The following HIP1 variants were observed in gnomAD, a reference collection of about 807,000 sequenced individuals.
HIP1 encodes huntingtin-interacting protein 1.
HIP1 carries 65 observed loss-of-function variants against 147.6 expected under a neutral mutation model. The observed-to-expected ratio is 0.44, with a 90% CI of 0.36 to 0.54. The LOEUF (loss-of-function observed/expected upper bound fraction) is 0.54, where lower values mean the gene tolerates loss of function less well. Among genes scored for constraint, HIP1 ranks in the 20% least tolerant of loss-of-function variants. HIP1 has a pLI of 0.00. For missense variants in HIP1, 1,061 were observed against 1,299.6 expected, an observed-to-expected ratio of 0.82 and a Z score of 2.82; for synonymous variants, 479 against 504.0, an observed-to-expected ratio of 0.95 and a Z score of 0.67.
intron 23 of HIP1, among the ~76,000 whole-genome samples, chr7:75,548,459 G>A (rs1794657982): frequency 6.6e-6 from 1 of 151,636 alleles, no homozygotes; most frequent in South Asian, 2.1e-4. Flanking sequence ...TCAGATTTTG[G>A]TCTCTCTTTT....
chr7:75,720,283 C>T (rs1801459218), intron 1 of HIP1, among the ~76,000 whole-genome samples: 1 of 152,084 alleles, frequency 6.6e-6, no homozygotes, highest in African/African-American at 2.4e-5. Context: ...GCCTCAGCCT[C>T]CCAAGTAGCT....
At chr7:75,722,258 C>T (rs760601444) in intron 1 of HIP1, among the ~76,000 whole-genome samples, 1 of 151,892 alleles carries the variant, frequency 6.6e-6, no homozygotes, top group African/African-American at 2.4e-5. Context: ...TGCAGTGAAC[C>T]GTAATTATGC....
chr7:75,700,293 G>C (rs1800784306), intron 1 of HIP1, among the ~76,000 whole-genome samples: 1 of 152,122 alleles, frequency 6.6e-6, no homozygotes, highest in African/African-American at 2.4e-5. Context: ...TGGGGTCCAA[G>C]AGCAACTCGA....
intron 1 of HIP1, among the ~76,000 whole-genome samples, chr7:75,708,453 G>C (rs530386444): frequency 6.6e-6 from 1 of 152,114 alleles, no homozygotes; most frequent in South Asian, 2.1e-4. Context: ...GTTTTGCCCC[G>C]TGTTTTCTTC....
At chr7:75,663,375 G>A (rs1554513926) in intron 1 of HIP1, among the ~76,000 whole-genome samples, 1 of 152,108 alleles carries the variant, frequency 6.6e-6, no homozygotes, top group East Asian at 1.9e-4. Context: ...GAGGTGGGAG[G>A]ATCGCTGGAA....
Position 75,738,932 on chromosome 7 carries a change from G to A in HIP1, c.-12C>T, listed in dbSNP as rs1554524000. ...GCCATCCGATCCATGTCGCCGCGAGGAGCCGAGTCAGGGGCCCTCGGCTGC... is the reference window on the plus strand; with the variant it reads ...GCCATCCGATCCATGTCGCCGCGAGAAGCCGAGTCAGGGGCCCTCGGCTGC... On this transcript the variant is annotated 5_prime_UTR_variant, in exon 1 of 31. Transcript: ENST00000336926. 25 of 1,538,190 alleles carry A rather than the reference G, an allele frequency of 1.6e-5. No homozygotes were observed. Among genetic ancestry groups the A allele is most frequent in the East Asian group, 7.6e-5 (3 of 39,674 alleles).
At chr7:75,728,193 G>T (rs997553525) in intron 1 of HIP1, among the ~76,000 whole-genome samples, 2 of 152,226 alleles carry the variant, frequency 1.3e-5, no homozygotes, top group African/African-American at 4.8e-5. Flanking sequence ...TTCCTGAGCT[G>T]TCTTGTGGCA....
chr7:75,720,004 C>T (rs547612728), intron 1 of HIP1, among the ~76,000 whole-genome samples: 1 of 152,236 alleles, frequency 6.6e-6, no homozygotes, highest in South Asian at 2.1e-4. Flanking sequence ...AGAGACCACA[C>T]ATTAGACAAC....
intron 1 of HIP1, among the ~76,000 whole-genome samples, chr7:75,614,929 CG>C (rs587760602): frequency 3.4e-4 from 52 of 152,114 alleles, no homozygotes; most frequent in East Asian, 2.1e-3. Context: ...CCCACCACCC[CG>C]CCTGGCTAAT....
At chr7:75,683,991 T>C (rs1800176868) in intron 1 of HIP1, among the ~76,000 whole-genome samples, 2 of 151,312 alleles carry the variant, frequency 1.3e-5, no homozygotes, top group African/African-American at 2.4e-5. Context: ...CTGAAGTGTA[T>C]TCCTTCTCTT....
intron 1 of HIP1, among the ~76,000 whole-genome samples, chr7:75,709,109 CTTT>C (rs55720152): frequency 7.6e-6 from 1 of 131,438 alleles, no homozygotes; most frequent in African/African-American, 2.9e-5. Context: ...TTTTTCTTTT[CTTT>C]TTTTTTTTTT....
intron 1 of HIP1, among the ~76,000 whole-genome samples, chr7:75,737,498 C>T (rs782613964): frequency 6.6e-6 from 1 of 152,084 alleles, no homozygotes; most frequent in Non-Finnish European, 1.5e-5. Flanking sequence ...GCGTCTGCAA[C>T]CACGCCCAGC....
At position 75,714,194 on chromosome 7, in the gene HIP1, C is replaced by G. The variant is rs1218260072; in HGVS notation, c.120+24607G>C. Among the ~76,000 whole-genome samples the G allele has an allele frequency of 2.6e-5, 4 of 151,670 alleles. No homozygotes were observed. In the South Asian group the frequency reaches 6.2e-4, roughly 24 times the overall value. ...AGGTGGGACTACAGGTGTGCGCCAT[C>G]ATGCCCGGCTAATTTTTGTATTTTT... On this transcript the variant is annotated intron_variant, in intron 1 of 30. Transcript: ENST00000336926.
intron 1 of HIP1, among the ~76,000 whole-genome samples, chr7:75,645,113 G>T (rs2117171964): frequency 6.6e-6 from 1 of 152,280 alleles, no homozygotes; most frequent in East Asian, 1.9e-4. Flanking sequence ...ACTGTGTCAT[G>T]CTATGAATCA....
At position 75,616,990 on chromosome 7, in the gene HIP1, C is replaced by T. The variant is rs587661037; in HGVS notation, c.121-17743G>A. On this transcript the variant is annotated intron_variant, in intron 1 of 30. Transcript: ENST00000336926. Reference sequence around the variant, plus strand: ...GTGCAATCATGGCTCATTGCAGCCTCGACCTCCTGGGCTCAAGCAATCCTC... The same window carrying T: ...GTGCAATCATGGCTCATTGCAGCCTTGACCTCCTGGGCTCAAGCAATCCTC... 1.2e-3 allele frequency among the ~76,000 whole-genome samples: 188 copies of T among 151,324 alleles called. 2 individuals are homozygous for T. Among genetic ancestry groups the T allele is most frequent in the African/African-American group, 4.3e-3 (177 of 41,198 alleles).
chr7:75,539,130 C>T (rs782729365), intron 30 of HIP1, among the ~76,000 whole-genome samples, 193 bp downstream of exon 30: 6 of 152,250 alleles, frequency 3.9e-5, no homozygotes, highest in South Asian at 4.1e-4. Flanking sequence ...TTCAAATCAC[C>T]ATAACTTCAC....
intron 25 of HIP1, among the ~76,000 whole-genome samples, chr7:75,545,425 T>A (rs587617117): frequency 6.6e-6 from 1 of 151,124 alleles, no homozygotes; most frequent in Non-Finnish European, 1.5e-5. Context: ...GTGGATCACT[T>A]GAGGTCAGGA....
At chr7:75,613,876 C>T (rs998053582) in intron 1 of HIP1, among the ~76,000 whole-genome samples, 1 of 152,046 alleles carries the variant, frequency 6.6e-6, no homozygotes, top group African/African-American at 2.4e-5. Flanking sequence ...AGGTGCATGC[C>T]ACCACACCTG....
At chr7:75,716,844 T>G (rs1169295384) in intron 1 of HIP1, among the ~76,000 whole-genome samples, 8 of 150,922 alleles carry the variant, frequency 5.3e-5, no homozygotes, top group African/African-American at 1.7e-4. Context: ...GGAAAGGATC[T>G]CACTCTGTCA....
Sources: allele counts gnomAD v4.1 joint callset (sites outside exome capture counted in the v4.1 genomes callset), GRCh38; gene constraint gnomAD v4.1.1; transcripts MANE v1.5; gene names NCBI Gene and HGNC (gene_info 2026-07-23, HGNC 2026-07-21).